DMD: variants seen among roughly 807,000 people sequenced by gnomAD.
DMD encodes mutant dystrophin.
DMD carries 63 observed loss-of-function variants against 330.1 expected under a neutral mutation model. The observed-to-expected ratio is 0.19, with a 90% confidence interval of 0.16 to 0.24. The LOEUF is 0.24. Among genes scored for constraint, DMD ranks in the 10% least tolerant of loss-of-function variants. The pLI is 1.00. For synonymous variants in DMD, 1,223 were observed against 959.8 expected (o/e 1.27, Z -5.07); for missense variants, 3,344 against 2,684.1 (o/e 1.25, Z -5.43).
Position 32,448,481 on chromosome X carries a change from A to T in DMD, c.3761T>A (p.Leu1254Gln). The T allele has an allele frequency of 8.3e-7, 1 of 1,208,473 alleles. No individual in the cohort carries two copies. The highest frequency in any genetic ancestry group is 1.1e-6 in the Non-Finnish European group (1 of 893,214). The change falls in exon 27 of 79, where the codon CTG becomes CAG. Residue 1254 changes from leucine (L) to glutamine (Q), a missense_variant. Transcript: ENST00000357033. ...TTCCAAAGTCTTGCATTTCCCATTC[A>T]GCCTAGTGCAGAGCCACTGGTAGTT... ...TTNYQWLCTR[L>Q]NGKCKTLEEV...
intron 43 of DMD, among the ~76,000 whole-genome samples, chrX:32,262,886 T>C (rs1415914776): frequency 8.9e-6 from 1 of 111,745 alleles, no homozygotes; most frequent in East Asian, 2.8e-4. Context: ...TAAATGGTCA[T>C]CCCAACCCCA....
At chrX:32,632,479 A>T (rs2058798904) in intron 11 of DMD, among the ~76,000 whole-genome samples, 1 of 112,515 alleles carries the variant, frequency 8.9e-6, no homozygotes, top group Admixed American at 9.3e-5. Flanking sequence ...TGGGGGATCA[A>T]AGCCCACATT....
intron 1 of DMD, among the ~76,000 whole-genome samples, chrX:33,124,047 T>G (rs1409850390): frequency 9.1e-6 from 1 of 109,483 alleles, no homozygotes; most frequent in Non-Finnish European, 1.9e-5. Context: ...AATGCTTATA[T>G]CCCAGTTACT....
chrX:33,232,626 C>T (rs1443829784), intron 1 of DMD, among the ~76,000 whole-genome samples: 1 of 111,617 alleles, frequency 9.0e-6, no homozygotes, highest in Non-Finnish European at 1.9e-5. Context: ...TGCGGAGTCT[C>T]ACACCTGTAA....
At chrX:32,184,827 G>A (rs1306397085) in intron 44 of DMD, among the ~76,000 whole-genome samples, 1 of 90,798 alleles carries the variant, frequency 1.1e-5, no homozygotes, top group Non-Finnish European at 2.1e-5. Flanking sequence ...CTTGACTACA[G>A]ATGTCTTTTT....
rs995939293 is a variant in DMD at position 32,674,549 on chromosome X, C to A, written c.960+23321G>T. Reference sequence around the variant, plus strand: ...ATTTGGAAAGCATTGTTATTACTCTCAGTTCTAGATATGCGCTCGGTTTTT... The same window carrying A: ...ATTTGGAAAGCATTGTTATTACTCTAAGTTCTAGATATGCGCTCGGTTTTT... On this transcript the variant is annotated intron_variant, in intron 9 of 78. Transcript: ENST00000357033. 5.4e-5 allele frequency among the ~76,000 whole-genome samples: 6 copies of A among 111,267 alleles called. No homozygotes were observed. In the Admixed American group the frequency reaches 5.8e-4, roughly 11 times the overall value.
chrX:32,370,219 GTTTT>G (rs138937492), intron 34 of DMD, among the ~76,000 whole-genome samples: 1 of 95,427 alleles, frequency 1.0e-5, no homozygotes, highest in Non-Finnish European at 2.1e-5. Context: ...AAGTGGTAGT[GTTTT>G]TTTTTTTTTT....
chrX:31,939,612 G>GT (rs749733466), intron 45 of DMD, among the ~76,000 whole-genome samples: 6 of 110,420 alleles, frequency 5.4e-5, no homozygotes, highest in African/African-American at 1.3e-4. Context: ...GAGGATTAAA[G>GT]TTTTTTTTGC....
intron 9 of DMD, among the ~76,000 whole-genome samples, chrX:32,655,486 A>T (rs7889034): frequency 2.7e-5 from 3 of 111,411 alleles, no homozygotes; most frequent in East Asian, 2.8e-4. Context: ...AGTTTGATTG[A>T]ACTGTGGTCT....
intron 64 of DMD, among the ~76,000 whole-genome samples, chrX:31,220,898 T>A (rs1246730149): frequency 1.0e-3 from 5 of 4,831 alleles, no homozygotes; most frequent in South Asian, 0.011. Flanking sequence ...TTTTTGCGAT[T>A]TTTTTTTTTT....
At chrX:32,669,589 G>C (rs940958122) in intron 9 of DMD, among the ~76,000 whole-genome samples, 7 of 111,313 alleles carry the variant, frequency 6.3e-5, no homozygotes, top group African/African-American at 2.0e-4. Flanking sequence ...CTCCACCCTA[G>C]CCCCTGCAAT....
chrX:31,288,083 T>C (rs1057177030), intron 62 of DMD, among the ~76,000 whole-genome samples: 2 of 110,627 alleles, frequency 1.8e-5, no homozygotes, highest in African/African-American at 6.6e-5. Flanking sequence ...CCACCCTTGG[T>C]TGAAGGGAGA....
At chrX:31,747,276 G>A (rs1410117286) in intron 51 of DMD, among the ~76,000 whole-genome samples, 1 of 111,452 alleles carries the variant, frequency 9.0e-6, no homozygotes, top group Non-Finnish European at 1.9e-5. Flanking sequence ...CAATGATTCT[G>A]CTTCTCTGTC....
intron 9 of DMD, among the ~76,000 whole-genome samples, chrX:32,651,317 AT>A (rs760080904): frequency 9.1e-4 from 100 of 109,341 alleles, no homozygotes; most frequent in African/African-American, 3.1e-3. Flanking sequence ...TAATTTTTAT[AT>A]TTTTAATAGA....
At position 31,988,231 on chromosome X, in the gene DMD, G is replaced by A. The variant is rs1280299002; in HGVS notation, c.6439-19717C>T. On this transcript the variant is annotated intron_variant, in intron 44 of 78. Transcript: ENST00000357033. ...CTCATGCCTGTAATCCCAGCACTTT[G>A]GGAGGCCAAGGTGGGTGGATCATGA... 3.6e-5 allele frequency among the ~76,000 whole-genome samples: 4 copies of A among 110,269 alleles called. No individual in the cohort carries two copies. In the Admixed American group the frequency reaches 3.9e-4, roughly 11 times the overall value.
At chrX:32,693,175 C>T in intron 9 of DMD, among the ~76,000 whole-genome samples, 1 of 111,541 alleles carries the variant, frequency 9.0e-6, no homozygotes, top group Non-Finnish European at 1.9e-5. Context: ...TGGTCAGCCT[C>T]TAGAAGCTAG....
At chrX:32,866,742 TGGGGGGG>T (rs61420337) in intron 2 of DMD, among the ~76,000 whole-genome samples, 2 of 37,303 alleles carry the variant, frequency 5.4e-5, no homozygotes, top group Middle Eastern at 0.014. Context: ...GGTGGGGGGG[TGGGGGGG>T]GGGGGACAGA....
In DMD at chrX:31,383,485, A is replaced by G. The variant is rs755198685; in HGVS notation, c.9085-34851T>C. Among the ~76,000 whole-genome samples, 3 of 112,361 alleles carry G rather than the reference A, an allele frequency of 2.7e-5. No homozygotes were observed. In the South Asian group the frequency reaches 1.1e-3, roughly 42 times the overall value. ...TACTACTACTACTATTACTACTGAT[A>G]GGGACAGGAGGCAGGGAAATTCTGG... is the stretch of plus-strand genomic sequence containing the variant. On this transcript the variant is annotated intron_variant, in intron 60 of 78. Transcript: ENST00000357033.
rs2081689465 is a variant in DMD, at chrX:32,857,635, TAG to T, written c.94-7817_94-7816del. ...TTTTATGAAAAGAAAAAATCCAGGG[TAG>T]AAAGTTGAAGTCTGTCAGACCAAGA... On this transcript the variant is annotated intron_variant, in intron 2 of 78. Coordinates refer to ENST00000357033, the MANE Select transcript of DMD (RefSeq NM_004006.3). 2.7e-5 allele frequency among the ~76,000 whole-genome samples: 3 copies of T among 111,164 alleles called. No individual in the cohort carries two copies. The South Asian group carries it at 1.1e-3, about 42-fold the overall frequency.
Sources: allele counts gnomAD v4.1 joint callset (sites outside exome capture counted in the v4.1 genomes callset), GRCh38; gene constraint gnomAD v4.1.1; transcripts MANE v1.5; gene names NCBI Gene and HGNC (gene_info 2026-07-23, HGNC 2026-07-21).